PROS1: variants seen among roughly 807,000 people sequenced by gnomAD.
PROS1 encodes the protein vitamin K-dependent protein S.
In PROS1, 29 loss-of-function variants were observed where a neutral mutation model predicts 75.9. The observed-to-expected ratio is 0.38, with a 90% CI of 0.28 to 0.52. PROS1 has a LOEUF of 0.52. Among genes scored for constraint, PROS1 ranks in the 20% least tolerant of loss-of-function variants. The pLI, the probability that PROS1 is intolerant of heterozygous loss-of-function variation, is 0.83. For missense variants in PROS1, 680 were observed against 810.3 expected, an observed-to-expected ratio of 0.84 and a Z score of 1.95; for synonymous variants, 245 against 280.6, an observed-to-expected ratio of 0.87 and a Z score of 1.27.
At chr3:93,898,849 G>T (rs1277321685) in intron 7 of PROS1, among the ~76,000 whole-genome samples, 2 of 151,774 alleles carry the variant, frequency 1.3e-5, no homozygotes, top group African/African-American at 4.8e-5. Context: ...TTCTCATTTT[G>T]AATTTGAAGA....
chr3:93,927,557 A>G, intron 1 of PROS1, 150 bp from the exon 2 acceptor site: 2 of 910,522 alleles, frequency 2.2e-6, no homozygotes, highest in South Asian at 3.6e-5. Flanking sequence ...AAATGCAGAT[A>G]CAGAAGCACG....
intron 1 of PROS1, among the ~76,000 whole-genome samples, chr3:93,929,524 G>A (rs758834677): frequency 2.6e-5 from 4 of 152,028 alleles, no homozygotes; most frequent in Non-Finnish European, 4.4e-5. Flanking sequence ...TAATAAACCC[G>A]TACTGTGGAA....
chr3:93,959,724 A>G (rs1193530182), intron 1 of PROS1, among the ~76,000 whole-genome samples: 1 of 152,264 alleles, frequency 6.6e-6, no homozygotes, highest in Non-Finnish European at 1.5e-5. Flanking sequence ...TCCACGGACC[A>G]TACTGGAATA....
chr3:93,922,726 A>G (rs1471886212), intron 3 of PROS1, among the ~76,000 whole-genome samples: 1 of 152,234 alleles, frequency 6.6e-6, no homozygotes, highest in African/African-American at 2.4e-5. Context: ...ATTGGCCTAT[A>G]GAATATACAC....
chr3:93,950,039 G>A (rs538422096), intron 1 of PROS1, among the ~76,000 whole-genome samples: 28 of 152,264 alleles, frequency 1.8e-4, no homozygotes, highest in East Asian at 9.7e-4. Flanking sequence ...ATTATATCCC[G>A]CCCATGGCTC....
At position 93,927,981 on chromosome 3, in the gene PROS1, A is replaced by ATATG. The variant is rs1553814528; in HGVS notation, c.77-575_77-574insCATA. 1.5e-4 allele frequency among the ~76,000 whole-genome samples: 11 copies of ATATG among 73,220 alleles called. No homozygotes were observed. In the Admixed American group the frequency reaches 2.3e-3, roughly 15 times the overall value. The allele number at this position is 73,220 out of a possible 152,430, so 48.0% of individuals were successfully genotyped here. On this transcript the variant is annotated intron_variant, in intron 1 of 14. Transcript: ENST00000394236. ...TGTATATATATATGTGTGTATATAT[A>ATATG]TGTGTGTGTGTGTATATATATATAT...
intron 1 of PROS1, among the ~76,000 whole-genome samples, chr3:93,949,334 G>A (rs1343291227): frequency 6.6e-6 from 1 of 152,102 alleles, no homozygotes; most frequent in Non-Finnish European, 1.5e-5. Flanking sequence ...TTATAAAATT[G>A]AGTATTTCGT....
intron 1 of PROS1, among the ~76,000 whole-genome samples, chr3:93,932,860 A>G (rs1213985938): frequency 3.3e-5 from 5 of 152,190 alleles, no homozygotes; most frequent in Non-Finnish European, 2.9e-5. Flanking sequence ...AGGTTGTCCA[A>G]AACTGATCAG....
intron 14 of PROS1, among the ~76,000 whole-genome samples, chr3:93,874,900 A>T (rs1232557749): frequency 6.6e-6 from 1 of 152,114 alleles, no homozygotes; most frequent in East Asian, 1.9e-4. Context: ...TTTGTTGAGC[A>T]TACAATAGGT....
At chr3:93,949,817 T>C (rs1709463560) in intron 1 of PROS1, among the ~76,000 whole-genome samples, 1 of 152,134 alleles carries the variant, frequency 6.6e-6, no homozygotes, top group Non-Finnish European at 1.5e-5. Context: ...AGGTACCGGG[T>C]TCATGTCACT....
chr3:93,898,630 G>C, intron 7 of PROS1, 61 bp from the exon 8 acceptor site: 1 of 1,575,522 alleles, frequency 6.3e-7, no homozygotes. Flanking sequence ...CAATCTTATA[G>C]GCAGAGGAAT....
chr3:93,946,757 A>G (rs1259915743), intron 1 of PROS1, among the ~76,000 whole-genome samples: 2 of 151,958 alleles, frequency 1.3e-5, no homozygotes, highest in Non-Finnish European at 2.9e-5. Flanking sequence ...CAAGAACTTC[A>G]TATCTAAAAC....
intron 8 of PROS1, 53 bp downstream of exon 8, chr3:93,898,395 G>C (rs187299935): frequency 1.3e-6 from 2 of 1,594,748 alleles, no homozygotes; most frequent in African/African-American, 2.7e-5. Context: ...TAAGTATCTA[G>C]GATCTCTCAT....
At chr3:93,964,601 G>C (rs940189650) in intron 1 of PROS1, among the ~76,000 whole-genome samples, 2 of 152,090 alleles carry the variant, frequency 1.3e-5, no homozygotes, top group Non-Finnish European at 2.9e-5. Flanking sequence ...TGTGCACCAC[G>C]GAACAAAGAC....
At chr3:93,934,781 A>T (rs1234172965) in intron 1 of PROS1, among the ~76,000 whole-genome samples, 2 of 149,436 alleles carry the variant, frequency 1.3e-5, no homozygotes, top group Non-Finnish European at 1.5e-5. Context: ...TGGTGGAATT[A>T]AAAAAAAAAT....
At chr3:93,942,854 C>A (rs545267899) in intron 1 of PROS1, among the ~76,000 whole-genome samples, 1 of 152,280 alleles carries the variant, frequency 6.6e-6, no homozygotes, top group African/African-American at 2.4e-5. Flanking sequence ...CAGGCCCCCT[C>A]CCTTCCCTAC....
intron 10 of PROS1, among the ~76,000 whole-genome samples, chr3:93,889,291 G>A (rs762944790): frequency 1.3e-4 from 19 of 151,848 alleles, no homozygotes; most frequent in Admixed American, 7.2e-4. Context: ...CCATTAGAAC[G>A]CAAGCTCCAT....
At chr3:93,910,772 G>T in intron 3 of PROS1, 67 bp from the exon 4 acceptor site, 3 of 1,321,774 alleles carry the variant, frequency 2.3e-6, no homozygotes, top group South Asian at 1.2e-5. Context: ...TTCATGGTAG[G>T]AACTGTCCCA....
intron 1 of PROS1, among the ~76,000 whole-genome samples, chr3:93,962,075 C>A (rs1050804014): frequency 2.0e-5 from 3 of 152,044 alleles, no homozygotes; most frequent in African/African-American, 4.8e-5. Context: ...TGGCAGTTCT[C>A]CCTAGATCAA....
Sources: allele counts gnomAD v4.1 joint callset (sites outside exome capture counted in the v4.1 genomes callset), GRCh38; gene constraint gnomAD v4.1.1; transcripts MANE v1.5; gene names NCBI Gene and HGNC (gene_info 2026-07-23, HGNC 2026-07-21).